Variants in SGCE observed in about 807,000 individuals in gnomAD.
The protein encoded by SGCE is sarcoglycan epsilon, also known as epsilon-sarcoglycan.
SGCE carries 26 observed loss-of-function variants against 57.8 expected under a neutral mutation model. The observed-to-expected ratio is 0.45, with a 90% CI of 0.33 to 0.62. The LOEUF (loss-of-function observed/expected upper bound fraction) is 0.62. SGCE is among the 20% of genes least tolerant of loss of function. SGCE has a pLI of 0.02. For missense variants in SGCE, 468 were observed against 548.6 expected (o/e 0.85, Z 1.47); for synonymous variants, 183 against 189.5 (o/e 0.97, Z 0.28).
At position 94,649,776 on chromosome 7, in the gene SGCE, G is replaced by A. The variant is rs1451709521; in HGVS notation, c.109+6214C>T. ...GCATTTCTGACCTAACAACTGGAGT[G>A]GAGGAGAAAGTTCTAAGTGTGAGGC... On this transcript the variant is annotated intron_variant, in intron 1 of 10. Coordinates refer to ENST00000648936, the MANE Select transcript of SGCE (RefSeq NM_003919.3). Among the ~76,000 whole-genome samples the A allele has an allele frequency of 2.6e-5, 4 of 152,216 alleles. No homozygotes were observed. In the East Asian group the frequency reaches 7.7e-4, roughly 29 times the overall value.
intron 1 of SGCE, chr7:94,644,767 C>T (rs1022713849): frequency 2.6e-5 from 10 of 389,202 alleles, no homozygotes; most frequent in East Asian, 1.0e-4. Flanking sequence ...CAAGTTGTTA[C>T]GCTGCTCCCT....
chr7:94,600,922 C>CT (rs936569103), intron 6 of SGCE, 65 bp from the exon 7 acceptor site: 2 of 1,278,580 alleles, frequency 1.6e-6, no homozygotes, highest in African/African-American at 2.9e-5. Context: ...ATTTTAAGAT[C>CT]TGGATACACT....
At chr7:94,647,722 A>G (rs1807302264) in intron 1 of SGCE, among the ~76,000 whole-genome samples, 1 of 152,138 alleles carries the variant, frequency 6.6e-6, no homozygotes, top group Non-Finnish European at 1.5e-5. Context: ...TGTTGACCAT[A>G]TTCAACCTGC....
intron 1 of SGCE, among the ~76,000 whole-genome samples, chr7:94,643,377 TG>T (rs774869958): frequency 1.3e-5 from 2 of 152,210 alleles, no homozygotes; most frequent in Non-Finnish European, 2.9e-5. Flanking sequence ...CAAATTGAAT[TG>T]GTGTCTCAAT....
intron 4 of SGCE, chr7:94,621,503 C>T (rs1453954103): frequency 3.3e-5 from 5 of 152,214 alleles, no homozygotes; most frequent in African/African-American, 2.4e-5. Context: ...TCAACAACAA[C>T]ATCTATTGAG....
At chr7:94,587,272 T>G in intron 10 of SGCE, 1 of 987,108 alleles carries the variant, frequency 1.0e-6, no homozygotes, top group Non-Finnish European at 1.2e-6. Flanking sequence ...CTAAACAAAT[T>G]GCCCTAATAT....
chr7:94,623,229 G>T, intron 4 of SGCE, 96 bp downstream of exon 4: 1 of 701,842 alleles, frequency 1.4e-6, no homozygotes, highest in Non-Finnish European at 2.4e-6. Context: ...TTAGGTATGT[G>T]GCATTTTAAA....
chr7:94,623,727 T>C, intron 3 of SGCE: 1 of 399,514 alleles, frequency 2.5e-6, no homozygotes, highest in Non-Finnish European at 4.4e-6. Flanking sequence ...CCAGTGATGT[T>C]CTAAGATTTC....
chr7:94,642,873 A>C (rs1391311249), intron 1 of SGCE, among the ~76,000 whole-genome samples: 1 of 152,222 alleles, frequency 6.6e-6, no homozygotes, highest in Non-Finnish European at 1.5e-5. Flanking sequence ...GTACTTTCAC[A>C]TATACTGTCT....
intron 1 of SGCE, among the ~76,000 whole-genome samples, chr7:94,646,957 T>C (rs534530053): frequency 1.1e-4 from 16 of 152,350 alleles, no homozygotes; most frequent in African/African-American, 3.6e-4. Flanking sequence ...CCAATGTCAC[T>C]GCCTAGCGTA....
intron 1 of SGCE, among the ~76,000 whole-genome samples, chr7:94,644,973 T>C (rs934470038): frequency 3.0e-4 from 45 of 152,242 alleles, no homozygotes; most frequent in African/African-American, 9.6e-4. Flanking sequence ...TATTAACTAA[T>C]GTAATCCTTA....
At chr7:94,651,917 T>C (rs1427628848) in intron 1 of SGCE, among the ~76,000 whole-genome samples, 7 of 150,958 alleles carry the variant, frequency 4.6e-5, no homozygotes, top group South Asian at 2.1e-4. Context: ...CCTAGAAACA[T>C]TGGCTTTTTC....
intron 1 of SGCE, among the ~76,000 whole-genome samples, chr7:94,637,682 G>C (rs1805781937): frequency 6.6e-6 from 1 of 152,306 alleles, no homozygotes; most frequent in African/African-American, 2.4e-5. Context: ...GCTGTTGAGA[G>C]AGTATTTTTT....
chr7:94,652,506 G>T (rs1472395747), intron 1 of SGCE, among the ~76,000 whole-genome samples: 1 of 152,110 alleles, frequency 6.6e-6, no homozygotes, highest in Non-Finnish European at 1.5e-5. Context: ...TGTACTGCAT[G>T]ATTTTCACCA....
At chr7:94,634,682 G>A (rs975989209) in intron 1 of SGCE, among the ~76,000 whole-genome samples, 4 of 152,160 alleles carry the variant, frequency 2.6e-5, no homozygotes, top group African/African-American at 9.7e-5. Context: ...ACAGGAGCCT[G>A]CATTCGCAGC....
chr7:94,656,024 C>T lies in SGCE; in HGVS notation c.75G>A (p.Met25Ile). The change falls in exon 1 of 11, where the codon ATG becomes ATA. Residue 25 changes from methionine to isoleucine, a missense_variant. By Grantham distance (10) the Met-to-Ile change is conservative (BLOSUM62 1). Coordinates refer to ENST00000648936, the MANE Select transcript of SGCE (RefSeq NM_003919.3). ...WTGQGRGTRR[M>I]SPATTGTFLL... ...AGAATGTGCCAGTGGTCGCGGGGCTCATCCTGCGTGTCCCCCGACCCTGTC... is the reference window on the plus strand; with the variant it reads ...AGAATGTGCCAGTGGTCGCGGGGCTTATCCTGCGTGTCCCCCGACCCTGTC... 2 of 1,612,980 alleles carry T rather than the reference C, an allele frequency of 1.2e-6. No individual in the cohort carries two copies. Among genetic ancestry groups the T allele is most frequent in the Non-Finnish European group, 1.7e-6 (2 of 1,179,188 alleles).
intron 1 of SGCE, among the ~76,000 whole-genome samples, chr7:94,632,103 C>T (rs1804806955): frequency 6.6e-6 from 1 of 151,960 alleles, no homozygotes; most frequent in Admixed American, 6.6e-5. Context: ...AGAGGGATAG[C>T]ATTCTGTAGA....
At chr7:94,645,178 C>G (rs1440295672) in intron 1 of SGCE, among the ~76,000 whole-genome samples, 2 of 152,144 alleles carry the variant, frequency 1.3e-5, no homozygotes, top group Non-Finnish European at 1.5e-5. Context: ...TCATGCATTG[C>G]TTAATAATGG....
At chr7:94,604,992 T>A (rs565283918) in intron 5 of SGCE, among the ~76,000 whole-genome samples, 1 of 151,480 alleles carries the variant, frequency 6.6e-6, no homozygotes, top group Non-Finnish European at 1.5e-5. Context: ...TGAAAACTAA[T>A]CATAGAATTA....
Sources: gnomAD v4.1 joint callset for allele counts (sites outside exome capture counted in the v4.1 genomes callset) on GRCh38, gnomAD v4.1.1 for gene constraint, MANE v1.5 for transcripts, NCBI Gene and HGNC (gene_info 2026-07-23, HGNC 2026-07-21) for gene names.